Variants in MGMT observed in about 807,000 individuals in gnomAD.
The protein encoded by MGMT is O-6-methylguanine-DNA methyltransferase, also known as methylated-DNA--protein-cysteine methyltransferase.
Under a neutral mutation model 15.9 loss-of-function variants are expected in MGMT, and 14 were observed. The ratio of observed to expected loss-of-function variants is 0.88; its 90% confidence interval spans 0.58 to 1.37. The LOEUF (loss-of-function observed/expected upper bound fraction) is 1.37. Ranked by LOEUF, MGMT falls within the 40% of genes most tolerant of loss-of-function variation. MGMT has a pLI of 0.00. For missense variants in MGMT, 282 were observed against 268.1 expected (o/e 1.05, Z -0.36); for synonymous variants, 130 against 118.2 (o/e 1.10, Z -0.65).
At chr10:129,683,871 T>TCAGG (rs2133122303) in intron 2 of MGMT, among the ~76,000 whole-genome samples, 1 of 152,324 alleles carries the variant, frequency 6.6e-6, no homozygotes, top group East Asian at 1.9e-4. Flanking sequence ...AGAAGATGTG[T>TCAGG]CAGGGGTCAA....
intron 1 of MGMT, among the ~76,000 whole-genome samples, chr10:129,493,431 C>T (rs1311119038): frequency 6.6e-6 from 1 of 152,180 alleles, no homozygotes; most frequent in Non-Finnish European, 1.5e-5. Context: ...ATTGCCCCTG[C>T]TTACTAGAGA....
At chr10:129,648,651 T>G (rs575233201) in intron 2 of MGMT, among the ~76,000 whole-genome samples, 3 of 152,288 alleles carry the variant, frequency 2.0e-5, no homozygotes, top group African/African-American at 7.2e-5. Flanking sequence ...CTAAGTTTCT[T>G]TCTTTCACTT....
intron 2 of MGMT, among the ~76,000 whole-genome samples, chr10:129,671,770 G>T (rs141611915): frequency 0.011 from 1,747 of 152,228 alleles, 74 homozygotes; most frequent in Admixed American, 0.086. Context: ...CGTCATTGCC[G>T]AACACGTGAA....
chr10:129,633,502 T>A (rs1404349319), intron 2 of MGMT, among the ~76,000 whole-genome samples: 4 of 152,274 alleles, frequency 2.6e-5, no homozygotes, highest in African/African-American at 9.6e-5. Flanking sequence ...AGGAATTTCC[T>A]GTTTTTTCTT....
At chr10:129,553,525 C>T (rs1337460833) in intron 2 of MGMT, among the ~76,000 whole-genome samples, 2 of 152,116 alleles carry the variant, frequency 1.3e-5, no homozygotes, top group African/African-American at 2.4e-5. Context: ...TTGTTGAGTA[C>T]GTTCAACAAA....
chr10:129,620,207 T>C (rs1267930534), intron 2 of MGMT, among the ~76,000 whole-genome samples: 5 of 152,244 alleles, frequency 3.3e-5, no homozygotes, highest in Non-Finnish European at 7.3e-5. Flanking sequence ...CTACATGTTT[T>C]GATAGGGATT....
At chr10:129,643,669 A>G (rs979803440) in intron 2 of MGMT, among the ~76,000 whole-genome samples, 4 of 152,212 alleles carry the variant, frequency 2.6e-5, no homozygotes, top group African/African-American at 4.8e-5. Flanking sequence ...GTTCACCCAG[A>G]AACAACGATT....
At chr10:129,646,650 G>A (rs1847392233) in intron 2 of MGMT, among the ~76,000 whole-genome samples, 1 of 147,128 alleles carries the variant, frequency 6.8e-6, no homozygotes, top group Non-Finnish European at 1.5e-5. Context: ...CATCCTCACT[G>A]GTCTTACAGC....
chr10:129,520,966 ACGG>A lies in MGMT; in HGVS notation c.-12-15274_-12-15272del, dbSNP rs1164658494. On this transcript the variant is annotated intron_variant, in intron 1 of 4. Transcript: ENST00000651593. ...CCTAAGGTGTGCCTACAGAGCCCCT[ACGG>A]TGAGGGTGCAGAGCCCCTACGGTGC... Among the ~76,000 whole-genome samples, 477 of 88,954 alleles carry A rather than the reference ACGG, an allele frequency of 5.4e-3. 1 individual carries two copies. The highest frequency in any genetic ancestry group is 0.031 in the African/African-American group (452 of 14,720). 58.4% of individuals were successfully genotyped at this position (88,954 alleles called of 152,430 possible). A position where few individuals can be genotyped will look rare whatever the true frequency, so the allele number is the denominator to read the frequency against.
At chr10:129,508,370 G>A (rs141370951) in intron 1 of MGMT, among the ~76,000 whole-genome samples, 3,993 of 152,216 alleles carry the variant, frequency 0.026, 64 homozygotes, top group Non-Finnish European at 0.036. Flanking sequence ...CGTAGGGCTG[G>A]AAAAGGAGAA....
In MGMT at chr10:129,597,698, C is replaced by T. The variant is rs187301564; in HGVS notation, c.125+61321C>T. On this transcript the variant is annotated intron_variant, in intron 2 of 4. Coordinates refer to ENST00000651593, the MANE Select transcript of MGMT (RefSeq NM_002412.5). The stretch of plus-strand genomic sequence containing the variant: ...ACCAGCTGTTTTTGCATGATCAGGA[C>T]GCTGAGTGTGGTTTTTTCATTTTTT... 7.9e-5 allele frequency among the ~76,000 whole-genome samples: 12 copies of T among 152,188 alleles called. No homozygotes were observed. In the South Asian group the frequency reaches 1.5e-3, roughly 18 times the overall value.
intron 2 of MGMT, among the ~76,000 whole-genome samples, chr10:129,539,846 C>T (rs1457828731): frequency 1.3e-5 from 2 of 152,136 alleles, no homozygotes; most frequent in East Asian, 3.9e-4. Flanking sequence ...GTCCATGAAT[C>T]CTCTAAATTT....
At chr10:129,601,588 A>G (rs1462348311) in intron 2 of MGMT, among the ~76,000 whole-genome samples, 1 of 151,966 alleles carries the variant, frequency 6.6e-6, no homozygotes, top group Non-Finnish European at 1.5e-5. Flanking sequence ...TCATCCTAGC[A>G]CCACCTCGAG....
chr10:129,762,843 C>G (rs1156936437), intron 4 of MGMT, among the ~76,000 whole-genome samples: 1 of 151,938 alleles, frequency 6.6e-6, no homozygotes, highest in Non-Finnish European at 1.5e-5. Context: ...GTCAGTGGAG[C>G]TGAACCATTT....
chr10:129,638,382 C>T (rs1382000128), intron 2 of MGMT, among the ~76,000 whole-genome samples: 1 of 103,362 alleles, frequency 9.7e-6, no homozygotes, highest in Non-Finnish European at 2.0e-5. Flanking sequence ...GAATTAAGAA[C>T]ACATGAAAGA....
At chr10:129,537,130 T>C (rs2119761308) in intron 2 of MGMT, 1 of 146,856 alleles carries the variant, frequency 6.8e-6, no homozygotes, top group African/African-American at 2.5e-5. Context: ...GTAGCTCTTG[T>C]TATTTCTGAC....
chr10:129,469,671 C>T (rs1845208433), intron 1 of MGMT, among the ~76,000 whole-genome samples: 1 of 152,148 alleles, frequency 6.6e-6, no homozygotes, highest in African/African-American at 2.4e-5. Flanking sequence ...TTTAATGCAG[C>T]TACTTTCTGA....
chr10:129,770,254 A>G lies in MGMT; in HGVS notation c.*3257A>G, dbSNP rs79609952. On this transcript the variant is annotated 3_prime_UTR_variant, in exon 5 of 5. Transcript: ENST00000651593. ...TATCCTGGAACTTGTTTCCTACAGA[A>G]CTGTAAGATAAGGATAAAATCCCAT... Among the ~76,000 whole-genome samples the G allele has an allele frequency of 0.019, 2,825 of 152,316 alleles. 102 individuals carry two copies. Among genetic ancestry groups the G allele is most frequent in the African/African-American group, 0.064 (2,675 of 41,562 alleles).
At chr10:129,646,754 A>ATTTTTTTT (rs1554873525) in intron 2 of MGMT, among the ~76,000 whole-genome samples, 16 of 86,634 alleles carry the variant, frequency 1.8e-4, no homozygotes, top group African/African-American at 2.0e-4. Context: ...ATATATATAT[A>ATTTTTTTT]TTTTCAGGGA....
Sources: gnomAD v4.1 joint callset for allele counts (sites outside exome capture counted in the v4.1 genomes callset) on GRCh38, gnomAD v4.1.1 for gene constraint, MANE v1.5 for transcripts, NCBI Gene and HGNC (gene_info 2026-07-23, HGNC 2026-07-21) for gene names.